TUBA1B: variants seen among roughly 807,000 people sequenced by gnomAD.
TUBA1B encodes tubulin alpha 1b, also known as tubulin alpha-1B chain.
In TUBA1B, 1 loss-of-function variant was observed where a neutral mutation model predicts 34.4. The ratio of observed to expected loss-of-function variants is 0.03; its 90% CI spans 0.01 to 0.14. The LOEUF (loss-of-function observed/expected upper bound fraction) is 0.14. TUBA1B is among the 10% of genes least tolerant of loss of function. The pLI is 1.00. For synonymous variants in TUBA1B, 197 were observed against 212.5 expected (o/e 0.93, Z 0.64); for missense variants, 54 against 583.6 (o/e 0.09, Z 9.35).
At chr12:49,131,125 T>C (rs778982148) in intron 1 of TUBA1B, 173 bp downstream of exon 1, 15 of 700,538 alleles carry the variant, frequency 2.1e-5, no homozygotes, top group Non-Finnish European at 3.5e-5. Flanking sequence ...CCCCGCTATT[T>C]ACACACACCG....
In TUBA1B at chr12:49,129,097, T is replaced by C. The variant is rs188300817; in HGVS notation, c.375+145A>G. On this transcript the variant is annotated intron_variant, in intron 3 of 3. Coordinates refer to ENST00000336023, the MANE Select transcript of TUBA1B (RefSeq NM_006082.3). Reference sequence around the variant, plus strand: ...CAAACTGTCCATAACCTAGGGACTATCTGATTTAGAAGTCCAATTAATATA... The same window carrying C: ...CAAACTGTCCATAACCTAGGGACTACCTGATTTAGAAGTCCAATTAATATA... 5.2e-4 allele frequency: 798 copies of C among 1,548,416 alleles called. 1 individual carries two copies. The highest frequency in any genetic ancestry group is 4.2e-3 in the Middle Eastern group (19 of 4,546).
Position 49,131,366 on chromosome 12 carries a change from C to CA in TUBA1B, c.-67dup. 6.3e-7 allele frequency: 1 copy of CA among 1,592,026 alleles called. No individual in the cohort carries two copies. The highest frequency in any genetic ancestry group is 8.6e-7 in the Non-Finnish European group (1 of 1,166,324). On this transcript the variant is annotated 5_prime_UTR_variant, in exon 1 of 4. Coordinates refer to ENST00000336023, the MANE Select transcript of TUBA1B (RefSeq NM_006082.3). ...ACCGGGTCCCGGTTACCGTCCCCGA[C>CA]AAGCTAAGAGTCGAGGTAAGTAACG...
chr12:49,130,050 C>T (rs1237014001), intron 1 of TUBA1B: 1 of 1,178,540 alleles, frequency 8.5e-7, no homozygotes, highest in Non-Finnish European at 1.1e-6. Flanking sequence ...TTCTAAAGAT[C>T]CTTTTCTAAG....
intron 3 of TUBA1B, 116 bp downstream of exon 3, chr12:49,129,126 A>T: frequency 1.9e-6 from 3 of 1,587,280 alleles, no homozygotes; most frequent in Non-Finnish European, 2.6e-6. Context: ...TAATATAGCA[A>T]GCAGCCTATT....
At position 49,128,325 on chromosome 12, in the gene TUBA1B, G is replaced by A; in HGVS notation, c.989C>T (p.Ala330Val). ...RGDVVPKDVN[A>V]AIATIKTKRS... Reference sequence around the variant, plus strand: ...CTTGGTTTTGATGGTGGCAATGGCAGCATTGACATCTTTGGGAACCACGTC... The same window carrying A: ...CTTGGTTTTGATGGTGGCAATGGCAACATTGACATCTTTGGGAACCACGTC... Residue 330 changes from alanine (A) to valine (V), a missense_variant, in exon 4 of 4, where the codon GCT becomes GTT. Physicochemically the swap from Ala to Val is moderately conservative, Grantham distance 64. Coordinates refer to ENST00000336023, the MANE Select transcript of TUBA1B (RefSeq NM_006082.3). This position sits in a 1 kb window ranked among gnomAD's most constrained non-coding sequence, Gnocchi z 8.1. 4 of 1,614,158 alleles carry A rather than the reference G, an allele frequency of 2.5e-6. No homozygotes were observed. The highest frequency in any genetic ancestry group is 3.4e-6 in the Non-Finnish European group (4 of 1,180,000).
chr12:49,131,061 C>T lies in TUBA1B; in HGVS notation c.3+237G>A, dbSNP rs1941801326. 7.9e-6 allele frequency: 4 copies of T among 509,302 alleles called. No individual in the cohort carries two copies. In the East Asian group the frequency reaches 1.3e-4, roughly 16 times the overall value. 31.5% of individuals were successfully genotyped at this position (509,302 alleles called of 1,614,324 possible). Reference sequence around the variant, plus strand: ...TACGGCGGAGGGCAGCCCGAGCCCCCCATCCCTTCCAGAGTCCGAGAAGAA... The same window carrying T: ...TACGGCGGAGGGCAGCCCGAGCCCCTCATCCCTTCCAGAGTCCGAGAAGAA... On this transcript the variant is annotated intron_variant, in intron 1 of 3. Transcript: ENST00000336023.
chr12:49,131,236 C>A (rs991896068), intron 1 of TUBA1B, 62 bp downstream of exon 1: 2 of 1,570,778 alleles, frequency 1.3e-6, no homozygotes, highest in Non-Finnish European at 1.7e-6. Context: ...GGCCCCAGCG[C>A]CCCGCCGGCT....
Position 49,127,822 on chromosome 12 carries a change from A to G in TUBA1B, c.*136T>C, listed in dbSNP as rs1166910895. The stretch of plus-strand genomic sequence containing the variant: ...CTTTACTTTGAGATATGATGGAAAA[A>G]TATTACAGGTACACATGGAAAAGAC... On this transcript the variant is annotated 3_prime_UTR_variant, in exon 4 of 4. Transcript: ENST00000336023. 6.6e-6 allele frequency: 9 copies of G among 1,357,714 alleles called. No homozygotes were observed. The highest frequency in any genetic ancestry group is 3.9e-4 in the Middle Eastern group (2 of 5,162). The allele number at this position is 1,357,714 out of a possible 1,614,324, so 84.1% of individuals were successfully genotyped here. A position where few individuals can be genotyped will look rare whatever the true frequency, so the allele number is the denominator to read the frequency against.
At chr12:49,131,224 A>T in intron 1 of TUBA1B, 74 bp downstream of exon 1, 1 of 1,548,318 alleles carries the variant, frequency 6.5e-7, no homozygotes, top group Non-Finnish European at 8.8e-7. Context: ...GGCTGTATAC[A>T]GGGCCCCAGC....
At chr12:49,130,627 G>A (rs1941792878) in intron 1 of TUBA1B, 2 of 345,454 alleles carry the variant, frequency 5.8e-6, no homozygotes, top group Non-Finnish European at 5.8e-6. Context: ...GGAGAGACAG[G>A]TGGCCTCTAC....
In TUBA1B at chr12:49,129,642, G is replaced by A. The variant is rs201713105; in HGVS notation, c.84C>T (p.His28=). ...NACWELYCLE[H]GIQPDGQMPS... ...GCATCTGGCCATCGGGCTGGATGCC[G>A]TGTTCCAGGCAGTAGAGCTCCCAGC... The change falls in exon 2 of 4, where the codon CAC becomes CAT. Residue 28 remains histidine (H), a synonymous_variant. Coordinates refer to ENST00000336023, the MANE Select transcript of TUBA1B (RefSeq NM_006082.3). 337 of 1,614,230 alleles carry A rather than the reference G, an allele frequency of 2.1e-4. 1 individual carries two copies. Among genetic ancestry groups the A allele is most frequent in the South Asian group, 9.8e-4 (89 of 91,084 alleles).
In TUBA1B at chr12:49,131,311, G is replaced by C. The variant is rs370897082; in HGVS notation, c.-11C>G. ...CGGCTTACTCACCATAGTGGCTAGG[G>C]ATTAGGAGGCGAAGGCGACAGGAGC... is the stretch of plus-strand genomic sequence containing the variant. On this transcript the variant is annotated 5_prime_UTR_variant, in exon 1 of 4. In the 5' UTR this introduces an upstream ATG that the reference lacks. Coordinates refer to ENST00000336023, the MANE Select transcript of TUBA1B (RefSeq NM_006082.3). 1 of 1,611,184 alleles carries C rather than the reference G, an allele frequency of 6.2e-7. No individual in the cohort carries two copies. Among genetic ancestry groups the C allele is most frequent in the South Asian group, 1.1e-5 (1 of 90,498 alleles).
Position 49,129,102 on chromosome 12 carries a change from T to C in TUBA1B, c.375+140A>G, listed in dbSNP as rs1380135031. 3.2e-6 allele frequency: 5 copies of C among 1,557,972 alleles called. No individual in the cohort carries two copies. The African/African-American group carries it at 4.1e-5, about 13-fold the overall frequency. On this transcript the variant is annotated intron_variant, in intron 3 of 3. Coordinates refer to ENST00000336023, the MANE Select transcript of TUBA1B (RefSeq NM_006082.3). The stretch of plus-strand genomic sequence containing the variant: ...TGTCCATAACCTAGGGACTATCTGA[T>C]TTAGAAGTCCAATTAATATAGCAAG...
At position 49,131,367 on chromosome 12, in the gene TUBA1B, A is replaced by G; in HGVS notation, c.-67T>C. The G allele has an allele frequency of 6.3e-7, 1 of 1,589,034 alleles. No homozygotes were observed. The highest frequency in any genetic ancestry group is 1.1e-5 in the South Asian group (1 of 88,746). On this transcript the variant is annotated 5_prime_UTR_variant, in exon 1 of 4. Coordinates refer to ENST00000336023, the MANE Select transcript of TUBA1B (RefSeq NM_006082.3). ...CCGGGTCCCGGTTACCGTCCCCGACAAGCTAAGAGTCGAGGTAAGTAACGC... is the reference window on the plus strand; with the variant it reads ...CCGGGTCCCGGTTACCGTCCCCGACGAGCTAAGAGTCGAGGTAAGTAACGC...
chr12:49,130,914 G>C (rs1353945243), intron 1 of TUBA1B: 1 of 182,990 alleles, frequency 5.5e-6, no homozygotes, highest in Non-Finnish European at 1.2e-5. Flanking sequence ...GAGGAAGTGA[G>C]GGCTGGAAGA....
At chr12:49,131,194 C>A (rs1941803527) in intron 1 of TUBA1B, 104 bp downstream of exon 1, 1 of 1,459,834 alleles carries the variant, frequency 6.9e-7, no homozygotes. Context: ...AAACGGACGG[C>A]TCTGAGGCCA....
At chr12:49,129,109 G>C in intron 3 of TUBA1B, 133 bp downstream of exon 3, 1 of 1,566,254 alleles carries the variant, frequency 6.4e-7, no homozygotes, top group Non-Finnish European at 8.7e-7. Context: ...TGATTTAGAA[G>C]TCCAATTAAT....
chr12:49,130,296 C>G (rs1431772128), intron 1 of TUBA1B: 20 of 1,289,102 alleles, frequency 1.6e-5, no homozygotes, highest in Non-Finnish European at 2.0e-5. Context: ...AGCACGTGGC[C>G]AGACCAGCGC....
chr12:49,131,357 C>T lies in TUBA1B; in HGVS notation c.-57G>A. The T allele has an allele frequency of 2.5e-6, 4 of 1,601,470 alleles. No homozygotes were observed. The highest frequency in any genetic ancestry group is 1.8e-4 in the Middle Eastern group (1 of 5,696). On this transcript the variant is annotated 5_prime_UTR_variant, in exon 1 of 4. Transcript: ENST00000336023. ...GGAGCAGACACCGGGTCCCGGTTACCGTCCCCGACAAGCTAAGAGTCGAGG... is the reference window on the plus strand; with the variant it reads ...GGAGCAGACACCGGGTCCCGGTTACTGTCCCCGACAAGCTAAGAGTCGAGG...
Sources: allele counts gnomAD v4.1 joint callset, GRCh38; gene constraint gnomAD v4.1.1; non-coding constraint Gnocchi (gnomAD v3.1); transcripts MANE v1.5; gene names NCBI Gene and HGNC (gene_info 2026-07-23, HGNC 2026-07-21).